The following NOX4 variants were observed in gnomAD, a reference collection of about 807,000 sequenced individuals.
The protein encoded by NOX4 is kidney oxidase-1.
Under a neutral mutation model 87.6 loss-of-function variants are expected in NOX4, and 69 were observed. That is an observed-to-expected ratio of 0.79 (90% CI 0.65 to 0.96). The LOEUF (loss-of-function observed/expected upper bound fraction) is 0.96, where lower values mean the gene tolerates loss of function less well. Ranked by LOEUF, NOX4 falls within the 40% of genes least tolerant of loss-of-function variation. The probability of loss-of-function intolerance (pLI) is 0.00; values close to 1 mark genes in which losing one functional copy is unlikely to be tolerated. For synonymous variants in NOX4, 275 were observed against 238.2 expected (o/e 1.15, Z -1.42); for missense variants, 680 against 681.5 (o/e 1.00, Z 0.02).
intron 11 of NOX4, among the ~76,000 whole-genome samples, chr11:89,398,202 C>T (rs1459816001): frequency 2.0e-5 from 3 of 151,848 alleles, no homozygotes; most frequent in East Asian, 3.9e-4. Flanking sequence ...ATAAACAGAA[C>T]CAAAGACAAA....
Position 89,444,250 on chromosome 11 carries a change from G to T in NOX4, c.350-18C>A, listed in dbSNP as rs760058606. On this transcript the variant is annotated intron_variant, in intron 4 of 17. Transcript: ENST00000263317. Reference sequence around the variant, plus strand: ...ATGCACGCCTACAGAATTACACCAGGGGTAAGTTAGTGGGATTTGCATATA... The same window carrying T: ...ATGCACGCCTACAGAATTACACCAGTGGTAAGTTAGTGGGATTTGCATATA... 2 of 1,605,620 alleles carry T rather than the reference G, an allele frequency of 1.2e-6. No individual in the cohort carries two copies. Among genetic ancestry groups the T allele is most frequent in the Admixed American group, 1.7e-5 (1 of 59,870 alleles).
At chr11:89,531,145 G>A in the NOX4 span, among the ~76,000 whole-genome samples, 1 of 152,078 alleles carries the variant, frequency 6.6e-6, no homozygotes, top group East Asian at 1.9e-4. Flanking sequence ...TTCATCAAGA[G>A]GATAAATGCA....
chr11:89,340,353 A>T (rs1766871568), intron 14 of NOX4, among the ~76,000 whole-genome samples, 182 bp from the exon 15 acceptor site: 1 of 152,214 alleles, frequency 6.6e-6, no homozygotes, highest in African/African-American at 2.4e-5. Flanking sequence ...AAATGAATTT[A>T]ATATGCAATA....
At chr11:89,338,466 T>C (rs1245948636) in intron 15 of NOX4, among the ~76,000 whole-genome samples, 4 of 152,150 alleles carry the variant, frequency 2.6e-5, no homozygotes, top group Non-Finnish European at 5.9e-5. Flanking sequence ...TACAAATATC[T>C]GTCCAATTGC....
chr11:89,564,848 C>A, the NOX4 span, among the ~76,000 whole-genome samples: 1 of 151,744 alleles, frequency 6.6e-6, no homozygotes, highest in Admixed American at 6.6e-5. Context: ...GCATTAATAG[C>A]CACTCATCTA....
intron 8 of NOX4, among the ~76,000 whole-genome samples, chr11:89,407,267 T>G (rs1460919007): frequency 1.3e-5 from 2 of 151,994 alleles, no homozygotes; most frequent in Non-Finnish European, 1.5e-5. Context: ...TGCTAAATAA[T>G]TTTAAAGCAA....
upstream of NOX4, chr11:89,498,331 T>G (rs1033199155): frequency 2.0e-5 from 3 of 152,204 alleles, no homozygotes; most frequent in African/African-American, 7.2e-5. Flanking sequence ...TAGAATCTAT[T>G]ATATGATAAA....
intron 11 of NOX4, among the ~76,000 whole-genome samples, chr11:89,389,405 A>G (rs1435077262): frequency 2.6e-5 from 4 of 152,194 alleles, no homozygotes; most frequent in Admixed American, 2.0e-4. Flanking sequence ...CTTAATCTCC[A>G]TCTTAAAAAG....
chr11:89,429,089 C>T (rs1468066289), intron 7 of NOX4, among the ~76,000 whole-genome samples: 1 of 152,184 alleles, frequency 6.6e-6, no homozygotes, highest in Admixed American at 6.5e-5. Context: ...GGAAACTGAA[C>T]AACCTGCTCC....
chr11:89,438,523 ACT>A lies in NOX4; in HGVS notation c.475+2163_475+2164del, dbSNP rs1377524153. ...AGCATATATATTATATACTATATAT[ACT>A]ATATATTACACACTATATATAATAA... On this transcript the variant is annotated intron_variant, in intron 6 of 17. Coordinates refer to ENST00000263317, the MANE Select transcript of NOX4 (RefSeq NM_016931.5). Among the ~76,000 whole-genome samples, 457 of 91,746 alleles carry A rather than the reference ACT, an allele frequency of 5.0e-3. 21 individuals are homozygous for A. Among genetic ancestry groups the A allele is most frequent in the African/African-American group, 0.022 (430 of 19,936 alleles). 60.2% of individuals were successfully genotyped at this position (91,746 alleles called of 152,430 possible).
intron 8 of NOX4, among the ~76,000 whole-genome samples, chr11:89,409,784 AT>A: frequency 6.6e-6 from 1 of 152,324 alleles, no homozygotes; most frequent in East Asian, 1.9e-4. Flanking sequence ...AGGACATTGT[AT>A]TTATTAACAT....
chr11:89,461,671 A>G (rs1271348403), intron 2 of NOX4, among the ~76,000 whole-genome samples: 2 of 48,904 alleles, frequency 4.1e-5, no homozygotes, highest in Non-Finnish European at 7.2e-5. Context: ...AATAAATAAG[A>G]GAAGAAAATA....
chr11:89,327,257 G>A (rs1945258023), intron 17 of NOX4, among the ~76,000 whole-genome samples: 1 of 152,134 alleles, frequency 6.6e-6, no homozygotes, highest in Non-Finnish European at 1.5e-5. Flanking sequence ...TAGATGTTCA[G>A]TCCACACTGA....
At chr11:89,586,758 C>G in the NOX4 span, among the ~76,000 whole-genome samples, 1 of 152,046 alleles carries the variant, frequency 6.6e-6, no homozygotes, top group Non-Finnish European at 1.5e-5. Flanking sequence ...CAACACTTCA[C>G]CTGGGTCTTA....
intron 11 of NOX4, among the ~76,000 whole-genome samples, chr11:89,399,334 C>T (rs1303069503): frequency 2.0e-5 from 3 of 148,728 alleles, no homozygotes; most frequent in Admixed American, 6.8e-5. Context: ...TCCGTATTTC[C>T]CCTAAATTCC....
intron 11 of NOX4, among the ~76,000 whole-genome samples, chr11:89,377,416 A>T (rs1248339720): frequency 6.6e-6 from 1 of 152,170 alleles, no homozygotes; most frequent in African/African-American, 2.4e-5. Context: ...ATAAAAAGTG[A>T]CAATCTGACT....
the NOX4 span, among the ~76,000 whole-genome samples, chr11:89,552,011 T>C: frequency 1.3e-5 from 2 of 152,186 alleles, no homozygotes; most frequent in African/African-American, 2.4e-5. Context: ...ATATATACAA[T>C]CACTATAAAA....
At chr11:89,453,680 A>T (rs1231047821) in intron 2 of NOX4, among the ~76,000 whole-genome samples, 8 of 152,214 alleles carry the variant, frequency 5.3e-5, no homozygotes, top group African/African-American at 1.9e-4. Flanking sequence ...GGAAGTAATT[A>T]ACGATATTGT....
At chr11:89,477,680 T>G (rs1030727043) in intron 2 of NOX4, among the ~76,000 whole-genome samples, 2 of 152,186 alleles carry the variant, frequency 1.3e-5, no homozygotes, top group Admixed American at 6.5e-5. Flanking sequence ...CAAAAAAGTT[T>G]TTAAAACTTT....
Sources: allele counts gnomAD v4.1 joint callset (sites outside exome capture counted in the v4.1 genomes callset), GRCh38; gene constraint gnomAD v4.1.1; transcripts MANE v1.5; gene names NCBI Gene and HGNC (gene_info 2026-07-23, HGNC 2026-07-21).